The following NEB variants were observed in gnomAD, a reference collection of about 807,000 sequenced individuals.
The protein encoded by NEB is nebulin.
In NEB, 512 loss-of-function variants were observed where a neutral mutation model predicts 952.2. The observed-to-expected ratio is 0.54, with a 90% CI of 0.50 to 0.58. The LOEUF (loss-of-function observed/expected upper bound fraction) is 0.58. Ranked by LOEUF, NEB falls within the 20% of genes least tolerant of loss-of-function variation. The pLI is 0.00. For missense variants in NEB, 8,428 were observed against 9,231.1 expected (o/e 0.91, Z 3.56); for synonymous variants, 2,900 against 3,149.8 (o/e 0.92, Z 2.66).
At chr2:151,496,470 C>T (rs1352474190) in intron 172 of NEB, 102 bp from the exon 173 acceptor site, 26 of 1,470,304 alleles carry the variant, frequency 1.8e-5, no homozygotes, top group Non-Finnish European at 2.3e-5. Context: ...AAAACACAGT[C>T]GTCCAAGGAG....
intron 9 of NEB, among the ~76,000 whole-genome samples, chr2:151,720,732 C>T (rs572528608): frequency 2.0e-4 from 31 of 152,302 alleles, no homozygotes; most frequent in African/African-American, 6.0e-4. Context: ...TTTTCAACTT[C>T]GCTGTTTGTT....
At chr2:151,645,841 T>C (rs1403547463) in intron 55 of NEB, among the ~76,000 whole-genome samples, 1 of 152,128 alleles carries the variant, frequency 6.6e-6, no homozygotes, top group Non-Finnish European at 1.5e-5. Flanking sequence ...TGCCTCTGCC[T>C]GCAAAGAGTG....
rs148095660 is a variant in NEB, at chr2:151,562,719, C to T, written c.18783G>A (p.Gln6261=). The change falls in exon 120 of 182, where the codon CAG becomes CAA. Residue 6261 remains glutamine (Q), a synonymous_variant. Transcript: ENST00000397345. ...GATACTCCAGGTCACTGAGGATGTA[C>T]TGGCACCTTTTAGCCAGCACGTGAT... is the stretch of plus-strand genomic sequence containing the variant. The part of the protein sequence containing the change: ...MMNHVLAKRC[Q]YILSDLEYRH... The T allele has an allele frequency of 2.0e-3, 3,270 of 1,606,652 alleles. 62 individuals carry two copies. In the South Asian group the frequency reaches 0.027, roughly 13 times the overall value.
chr2:151,624,539 A>G (rs2098481422), intron 71 of NEB, among the ~76,000 whole-genome samples: 1 of 152,172 alleles, frequency 6.6e-6, no homozygotes, highest in Admixed American at 6.5e-5. Context: ...ATCTATAATC[A>G]GGCTTGTCCT....
At chr2:151,574,864 T>C (rs1247323976) in intron 107 of NEB, among the ~76,000 whole-genome samples, 1 of 152,098 alleles carries the variant, frequency 6.6e-6, no homozygotes, top group Non-Finnish European at 1.5e-5. Flanking sequence ...CCCAAGTAAC[T>C]TGGGCCACAG....
At chr2:151,645,706 G>A (rs2098948242) in intron 55 of NEB, among the ~76,000 whole-genome samples, 1 of 152,126 alleles carries the variant, frequency 6.6e-6, no homozygotes, top group Non-Finnish European at 1.5e-5. Context: ...ATGCTGCAAT[G>A]ATAATGACAA....
In NEB at chr2:151,491,548, ATTT is replaced by A. The variant is rs1227541682; in HGVS notation, c.25150+132_25150+134del. 6 of 762,394 alleles carry A rather than the reference ATTT, an allele frequency of 7.9e-6. No individual in the cohort carries two copies. The Admixed American group carries it at 1.4e-4, about 17-fold the overall frequency. 47.2% of individuals were successfully genotyped at this position (762,394 alleles called of 1,614,324 possible). A position where few individuals can be genotyped will look rare whatever the true frequency, so the allele number is the denominator to read the frequency against. ...AGTTTTGCTCACTAGTTAACAAGGT[ATTT>A]TTATGCCAAATGGGCAGCTCAGAAA... On this transcript the variant is annotated intron_variant, in intron 179 of 181. Coordinates refer to ENST00000397345, the MANE Select transcript of NEB (RefSeq NM_001164508.2).
At position 151,663,534 on chromosome 2, in the gene NEB, T is replaced by G; in HGVS notation, c.5763+14A>C. On this transcript the variant is annotated intron_variant, in intron 45 of 181. Coordinates refer to ENST00000397345, the MANE Select transcript of NEB (RefSeq NM_001164508.2). The stretch of plus-strand genomic sequence containing the variant: ...ATCCAGAGTAAACGCTCTGCAAATG[T>G]GGTTTTCACGTACATCACTTTGAAT... 6.3e-7 allele frequency: 1 copy of G among 1,595,468 alleles called. No homozygotes were observed.
rs774559645 is a variant in NEB, at chr2:151,496,313, A to G, written c.24449T>C (p.Met8150Thr). 13 of 1,612,224 alleles carry G rather than the reference A, an allele frequency of 8.1e-6. No individual in the cohort carries two copies. The East Asian group carries it at 2.2e-4, about 28-fold the overall frequency. The stretch of plus-strand genomic sequence containing the variant: ...TTCTTGATTGTGTTTGACTCGCTCC[A>G]TCTCGGGAGTGACAGCTAAAGGAGT... ...KGTPLAVTPE[M>T]ERVKHNQENI... The change falls in exon 173 of 182, where the codon ATG becomes ACG. Residue 8150 changes from methionine to threonine, a missense_variant. Physicochemically the swap from Met to Thr is moderately conservative, Grantham distance 81. This residue lies in a region of NEB where 3,374 missense variants were observed against 3,651.5 expected (regional missense o/e 0.92). Transcript: ENST00000397345.
At chr2:151,667,648 C>T (rs191118542) in intron 40 of NEB, among the ~76,000 whole-genome samples, 156 bp downstream of exon 40, 7 of 152,186 alleles carry the variant, frequency 4.6e-5, no homozygotes, top group Admixed American at 1.3e-4. Flanking sequence ...CCATCTCAGC[C>T]TCTCAAATAG....
intron 179 of NEB, among the ~76,000 whole-genome samples, chr2:151,490,747 C>T (rs935106834): frequency 3.3e-5 from 5 of 152,186 alleles, no homozygotes; most frequent in African/African-American, 1.2e-4. Context: ...AGTTGTACAG[C>T]CAGGTTTCAA....
intron 105 of NEB, among the ~76,000 whole-genome samples, chr2:151,577,136 T>C (rs904409426): frequency 2.6e-5 from 4 of 152,204 alleles, no homozygotes; most frequent in African/African-American, 4.8e-5. Flanking sequence ...AATGATCTTT[T>C]CAAAATTCAG....
rs1248497377 is a variant in NEB at position 151,579,750 on chromosome 2, T to TG, written c.16393-102dup. 9.5e-3 allele frequency: 3,698 copies of TG among 388,074 alleles called. 27 individuals are homozygous for TG. Among genetic ancestry groups the TG allele is most frequent in the Non-Finnish European group, 0.012 (2,801 of 227,230 alleles). The allele number at this position is 388,074 out of a possible 1,614,324, so 24.0% of individuals were successfully genotyped here. A position where few individuals can be genotyped will look rare whatever the true frequency, so the allele number is the denominator to read the frequency against. The stretch of plus-strand genomic sequence containing the variant: ...TCCATCTCCCTTAGTTTACCTTTTT[T>TG]GGGGGGGTCGGGGAATACTGTTTTT... On this transcript the variant is annotated intron_variant, in intron 104 of 181. Coordinates refer to ENST00000397345, the MANE Select transcript of NEB (RefSeq NM_001164508.2).
At chr2:151,537,423 T>C (rs1436902168) in intron 140 of NEB, among the ~76,000 whole-genome samples, 187 bp from the exon 141 acceptor site, 2 of 152,234 alleles carry the variant, frequency 1.3e-5, no homozygotes, top group African/African-American at 4.8e-5. Flanking sequence ...TTATAACATA[T>C]GGAAGTTTTC....
chr2:151,686,796 G>T (rs957389508), intron 27 of NEB, among the ~76,000 whole-genome samples: 1 of 152,084 alleles, frequency 6.6e-6, no homozygotes, highest in Non-Finnish European at 1.5e-5. Context: ...GTAGATGTTT[G>T]TCTCTCTGTA....
chr2:151,517,715 G>T (rs994020739), intron 156 of NEB, among the ~76,000 whole-genome samples: 4 of 152,142 alleles, frequency 2.6e-5, no homozygotes, highest in African/African-American at 9.7e-5. Context: ...GTAGGCACTT[G>T]TAACACAAGA....
Position 151,627,533 on chromosome 2 carries a change from A to G in NEB, c.10133T>C (p.Leu3378Pro), listed in dbSNP as rs2098549758. The stretch of plus-strand genomic sequence containing the variant: ...ATCTTAATTACTCACATCGCTCTGG[A>G]GGTCATAGGCCTGCCGAGCATGGAT... The part of the protein sequence containing the change: ...DVIHARQAYD[L>P]QSDNIYKSDL... Residue 3378 changes from leucine to proline, a missense_variant, in exon 69 of 182, where the codon CTC becomes CCC. By Grantham distance (98) the Leu-to-Pro change is moderately conservative. Coordinates refer to ENST00000397345, the MANE Select transcript of NEB (RefSeq NM_001164508.2). The G allele has an allele frequency of 1.2e-6, 2 of 1,613,596 alleles. No individual in the cohort carries two copies. The highest frequency in any genetic ancestry group is 1.3e-5 in the African/African-American group (1 of 74,910).
rs1367999366 is a variant in NEB, at chr2:151,654,055, A to G, written c.6852T>C (p.Tyr2284=). ...CAGAAATTGCATCAACTGGGAGATC[A>G]TAGCCTTTCTTCAAAGCTTCTTCCC... ...LGWEEALKKG[Y]DLPVDAISVQ... is the part of the protein sequence containing the mutation. The change falls in exon 52 of 182, where the codon TAT becomes TAC. Residue 2284 remains tyrosine (Y), a synonymous_variant. Coordinates refer to ENST00000397345, the MANE Select transcript of NEB (RefSeq NM_001164508.2). 2.5e-6 allele frequency: 4 copies of G among 1,611,448 alleles called. No homozygotes were observed. The South Asian group carries it at 3.3e-5, about 13-fold the overall frequency.
intron 110 of NEB, 96 bp downstream of exon 110, chr2:151,569,172 T>G: frequency 1.0e-6 from 1 of 1,001,996 alleles, no homozygotes; most frequent in Non-Finnish European, 1.5e-6. Flanking sequence ...ATTGAAATGG[T>G]TAAGATTGCT....
Sources: allele counts gnomAD v4.1 joint callset (sites outside exome capture counted in the v4.1 genomes callset), GRCh38; gene constraint gnomAD v4.1.1; regional missense constraint gnomAD v4.1.1; transcripts MANE v1.5; gene names NCBI Gene and HGNC (gene_info 2026-07-23, HGNC 2026-07-21).